ADAMTS14: variants seen among roughly 807,000 people sequenced by gnomAD.
The protein encoded by ADAMTS14 is ADAM metallopeptidase with thrombospondin type 1 motif 14, also known as A disintegrin and metalloproteinase with thrombospondin motifs 14.
ADAMTS14 carries 100 observed loss-of-function variants against 128.6 expected under a neutral mutation model. The observed-to-expected ratio is 0.78, with a 90% confidence interval of 0.66 to 0.92. The LOEUF is 0.92. ADAMTS14 is among the 40% of genes least tolerant of loss of function. The pLI is 0.00. For synonymous variants in ADAMTS14, 665 were observed against 653.8 expected, an observed-to-expected ratio of 1.02 and a Z score of -0.26; for missense variants, 1,562 against 1,658.6, an observed-to-expected ratio of 0.94 and a Z score of 1.01.
At chr10:70,714,894 C>T (rs112322933) in intron 4 of ADAMTS14, among the ~76,000 whole-genome samples, 109 of 141,656 alleles carry the variant, frequency 7.7e-4, no homozygotes, top group Middle Eastern at 3.6e-3. Context: ...TGCAGTGAGC[C>T]GAGATCGGGC....
Position 70,743,701 on chromosome 10 carries a change from C to A in ADAMTS14, c.2058+20C>A, listed in dbSNP as rs774478697. The A allele has an allele frequency of 1.9e-6, 3 of 1,551,414 alleles. No homozygotes were observed. The highest frequency in any genetic ancestry group is 1.4e-5 in the African/African-American group (1 of 73,056). On this transcript the variant is annotated intron_variant, in intron 13 of 21. Transcript: ENST00000373207. Reference sequence around the variant, plus strand: ...TGTGTGGTGGGTGCACCCCCAGCCACCCCGACTACCGGCACAGGGAGACTG... The same window carrying A: ...TGTGTGGTGGGTGCACCCCCAGCCAACCCGACTACCGGCACAGGGAGACTG...
intron 4 of ADAMTS14, among the ~76,000 whole-genome samples, chr10:70,716,081 C>A (rs898632019): frequency 3.3e-5 from 5 of 152,254 alleles, no homozygotes; most frequent in Admixed American, 2.6e-4. Flanking sequence ...TCAGTTTCCA[C>A]TGAAGACTGG....
At chr10:70,712,433 A>G (rs1840891756) in intron 4 of ADAMTS14, among the ~76,000 whole-genome samples, 1 of 152,244 alleles carries the variant, frequency 6.6e-6, no homozygotes, top group Non-Finnish European at 1.5e-5. Context: ...TGACTCTCAT[A>G]GAGAAATAAA....
chr10:70,745,206 TG>T lies in ADAMTS14; in HGVS notation c.2183-18del. 2 of 1,607,336 alleles carry T rather than the reference TG, an allele frequency of 1.2e-6. No individual in the cohort carries two copies. Among genetic ancestry groups the T allele is most frequent in the South Asian group, 2.2e-5 (2 of 90,796 alleles). On this transcript the variant is annotated intron_variant, in intron 14 of 21. Transcript: ENST00000373207. Reference sequence around the variant, plus strand: ...ACCAGCTTAGGATGCTCACGACTTCTGGATCCCTGTGTGTGGCAGGAGCTCT... The same window carrying T: ...ACCAGCTTAGGATGCTCACGACTTCTGATCCCTGTGTGTGGCAGGAGCTCT...
intron 4 of ADAMTS14, among the ~76,000 whole-genome samples, chr10:70,713,928 TCA>T (rs1267713571): frequency 6.6e-6 from 1 of 152,204 alleles, no homozygotes. Context: ...GTGCCGTGAC[TCA>T]CACCTATAAT....
intron 2 of ADAMTS14, among the ~76,000 whole-genome samples, chr10:70,676,130 GTTT>G (rs199934836): frequency 6.9e-6 from 1 of 143,936 alleles, no homozygotes; most frequent in Non-Finnish European, 1.5e-5. Context: ...CCACGATGAG[GTTT>G]TTTTTTTTTT....
chr10:70,721,031 T>C (rs1589297429), intron 4 of ADAMTS14, among the ~76,000 whole-genome samples: 1 of 143,466 alleles, frequency 7.0e-6, no homozygotes, highest in East Asian at 2.0e-4. Flanking sequence ...TTTTTTTTTT[T>C]TTTTTTTTTT....
At chr10:70,725,431 A>C (rs955960772) in intron 4 of ADAMTS14, among the ~76,000 whole-genome samples, 9 of 152,180 alleles carry the variant, frequency 5.9e-5, no homozygotes, top group Non-Finnish European at 1.2e-4. Flanking sequence ...TCCTGTGAGT[A>C]GCATAGAAAC....
intron 15 of ADAMTS14, among the ~76,000 whole-genome samples, chr10:70,747,797 G>T (rs895944579): frequency 6.6e-6 from 1 of 152,206 alleles, no homozygotes; most frequent in South Asian, 2.1e-4. Context: ...GAACTCTGAA[G>T]TTGGCACAGG....
rs111564837 is a variant in ADAMTS14 at position 70,690,311 on chromosome 10, G to C, written c.523-12001G>C. Among the ~76,000 whole-genome samples, 2 of 144,332 alleles carry C rather than the reference G, an allele frequency of 1.4e-5. 1 individual carries two copies. Among genetic ancestry groups the C allele is most frequent in the Non-Finnish European group, 3.2e-5 (2 of 63,182 alleles). 94.7% of individuals were successfully genotyped at this position (144,332 alleles called of 152,430 possible). A position where few individuals can be genotyped will look rare whatever the true frequency, so the allele number is the denominator to read the frequency against. On this transcript the variant is annotated intron_variant, in intron 2 of 21. Transcript: ENST00000373207. ...GCTAGTGGTGCTGGTCCCTGGGCAG[G>C]GTTAAGGACAGGACCATGCCACCTG...
rs1842603818 is a variant in ADAMTS14 at position 70,761,107 on chromosome 10, G to T, written c.*254G>T. 4.2e-6 allele frequency: 2 copies of T among 474,860 alleles called. No homozygotes were observed. The highest frequency in any genetic ancestry group is 7.0e-5 in the East Asian group (2 of 28,650). 29.4% of individuals were successfully genotyped at this position (474,860 alleles called of 1,614,324 possible). A position where few individuals can be genotyped will look rare whatever the true frequency, so the allele number is the denominator to read the frequency against. On this transcript the variant is annotated 3_prime_UTR_variant, in exon 22 of 22. Coordinates refer to ENST00000373207, the MANE Select transcript of ADAMTS14 (RefSeq NM_080722.4). ...CGGGACTGACCCTCTCAGGGCCCCT[G>T]TTGGTCTCCCCTGCCAAGACCAGGG...
intron 4 of ADAMTS14, 35 bp downstream of exon 4, chr10:70,708,813 T>TGG (rs2132614210): frequency 4.7e-5 from 18 of 382,290 alleles, no homozygotes; most frequent in East Asian, 3.1e-4. Flanking sequence ...TTGGGGGGAG[T>TGG]GGGGTGGGGT....
At chr10:70,711,491 C>A (rs1287356539) in intron 4 of ADAMTS14, among the ~76,000 whole-genome samples, 2 of 152,236 alleles carry the variant, frequency 1.3e-5, no homozygotes, top group African/African-American at 4.8e-5. Context: ...CAGTTTGTGT[C>A]TGCTACAGTT....
chr10:70,675,668 T>C (rs1839625046), intron 2 of ADAMTS14, among the ~76,000 whole-genome samples: 1 of 152,184 alleles, frequency 6.6e-6, no homozygotes, highest in African/African-American at 2.4e-5. Context: ...TCCCAGAGTC[T>C]GGGAGCGCCT....
At chr10:70,719,647 A>G (rs1028706619) in intron 4 of ADAMTS14, among the ~76,000 whole-genome samples, 1 of 152,156 alleles carries the variant, frequency 6.6e-6, no homozygotes, top group Non-Finnish European at 1.5e-5. Flanking sequence ...AGCTCAAACA[A>G]TCCTCCTGCC....
chr10:70,673,109 G>T (rs1379605946), intron 1 of ADAMTS14, among the ~76,000 whole-genome samples: 1 of 152,216 alleles, frequency 6.6e-6, no homozygotes, highest in African/African-American at 2.4e-5. Context: ...GAGAGAATTT[G>T]GGAGCATCGA....
At chr10:70,737,654 C>G (rs1230118259) in intron 10 of ADAMTS14, among the ~76,000 whole-genome samples, 1 of 152,204 alleles carries the variant, frequency 6.6e-6, no homozygotes, top group East Asian at 1.9e-4. Context: ...GTGGATGGAG[C>G]TTCCCCTGGC....
intron 13 of ADAMTS14, 52 bp from the exon 14 acceptor site, chr10:70,744,014 T>TGGCGGTGGGGGC (rs1418200647): frequency 6.5e-7 from 1 of 1,537,664 alleles, no homozygotes; most frequent in Non-Finnish European, 8.8e-7. Flanking sequence ...AGCCCCGGGG[T>TGGCGGTGGGGGC]GGCGGTGGGG....
intron 1 of ADAMTS14, 143 bp downstream of exon 1, chr10:70,673,027 C>T: frequency 4.9e-6 from 6 of 1,219,460 alleles, no homozygotes; most frequent in Non-Finnish European, 5.3e-6. Flanking sequence ...GCTGTCTTTT[C>T]TTCCACTGTG....
Sources: allele counts gnomAD v4.1 joint callset (sites outside exome capture counted in the v4.1 genomes callset), GRCh38; gene constraint gnomAD v4.1.1; transcripts MANE v1.5; gene names NCBI Gene and HGNC (gene_info 2026-07-23, HGNC 2026-07-21).